MTM1: variants seen among roughly 807,000 people sequenced by gnomAD.
MTM1 encodes myotubularin.
Under a neutral mutation model 52.1 loss-of-function variants are expected in MTM1, and 9 were observed. The observed-to-expected ratio is 0.17, with a 90% CI of 0.10 to 0.30. MTM1 has a LOEUF of 0.30. Among genes scored for constraint, MTM1 ranks in the 10% least tolerant of loss-of-function variants. MTM1 has a pLI of 1.00. For missense variants in MTM1, 277 were observed against 470.7 expected, an observed-to-expected ratio of 0.59 and a Z score of 3.81; for synonymous variants, 136 against 163.8, an observed-to-expected ratio of 0.83 and a Z score of 1.29.
intron 10 of MTM1, among the ~76,000 whole-genome samples, chrX:150,651,894 G>T (rs2040027442): frequency 9.0e-6 from 1 of 110,888 alleles, no homozygotes; most frequent in Admixed American, 9.6e-5. Context: ...GATATTGGAA[G>T]GTAAAGAAAG....
At chrX:150,562,980 C>T in the MTM1 span, among the ~76,000 whole-genome samples, 1 of 111,337 alleles carries the variant, frequency 9.0e-6, no homozygotes, top group Non-Finnish European at 1.9e-5. Flanking sequence ...GGGTAATGCT[C>T]TCTCTGTCTG....
chrX:150,641,283 C>G lies in MTM1; in HGVS notation c.543C>G (p.His181Gln), dbSNP rs1603187692. The G allele has an allele frequency of 1.7e-6, 2 of 1,211,224 alleles. No homozygotes were observed. Among genetic ancestry groups the G allele is most frequent in the Admixed American group, 4.3e-5 (2 of 46,024 alleles). The change falls in exon 8 of 15, where the codon CAC becomes CAG. Residue 181 changes from histidine (H) to glutamine (Q), a missense_variant. Around this residue, in one of 4 missense-constraint regions of MTM1, gnomAD observed 164 missense variants for 283.3 expected, o/e 0.58. Coordinates refer to ENST00000370396, the MANE Select transcript of MTM1 (RefSeq NM_000252.3). ...TTTCCTCACAGGGCTTGCCCAATCA[C>G]CATTGGAGAATAACTTTTATTAATA... Reference protein sequence around the residue: ...EEYRRQGLPNHHWRITFINKC... With the variant: ...EEYRRQGLPNQHWRITFINKC...
chrX:150,665,102 A>G (rs184002742), intron 14 of MTM1, among the ~76,000 whole-genome samples: 236 of 112,082 alleles, frequency 2.1e-3, no homozygotes, highest in Non-Finnish European at 3.8e-3. Context: ...ATTCTCTGGT[A>G]GGGGTTTTTA....
In MTM1 at chrX:150,583,717, A is replaced by G. The variant is rs1429938053; in HGVS notation, c.-10-8888A>G. ...TTATTTATAAATATATAAATTATAT[A>G]TATTATATAAATTATATATTATATA... On this transcript the variant is annotated intron_variant, in intron 1 of 14. Coordinates refer to ENST00000370396, the MANE Select transcript of MTM1 (RefSeq NM_000252.3). Among the ~76,000 whole-genome samples the G allele has an allele frequency of 4.4e-5, 2 of 45,384 alleles. 1 individual carries two copies. The highest frequency in any genetic ancestry group is 7.1e-5 in the Non-Finnish European group (2 of 28,295). The allele number at this position is 45,384 out of a possible 115,157, so 39.4% of individuals were successfully genotyped here.
rs781868563 is a variant in MTM1 at position 150,657,818 on chromosome X, C to T, written c.1054-3C>T. On this transcript the variant is annotated splice_region_variant and splice_polypyrimidine_tract_variant and intron_variant, in intron 10 of 14. Coordinates refer to ENST00000370396, the MANE Select transcript of MTM1 (RefSeq NM_000252.3). ...TACTGACTCACGTATTTTTCTTTGT[C>T]AGCTCGTTTTGACAGGAGCCATTCA... 8.3e-7 allele frequency: 1 copy of T among 1,210,097 alleles called. No individual in the cohort carries two copies. The highest frequency in any genetic ancestry group is 3.0e-5 in the East Asian group (1 of 33,813).
At chrX:150,647,949 A>AT (rs1373794217) in intron 9 of MTM1, among the ~76,000 whole-genome samples, 1 of 111,735 alleles carries the variant, frequency 8.9e-6, no homozygotes, top group Non-Finnish European at 1.9e-5. Flanking sequence ...TTTTCCTTTT[A>AT]TTTTTTCACT....
In MTM1 at chrX:150,583,388, AAT is replaced by A. The variant is rs1439138156; in HGVS notation, c.-10-9209_-10-9208del. ...AAATTATATATATTATATATAATATAATATATATAAATTATATATATTATATT... is the reference window on the plus strand; with the variant it reads ...AAATTATATATATTATATATAATATAATATATAAATTATATATATTATATT... On this transcript the variant is annotated intron_variant, in intron 1 of 14. Transcript: ENST00000370396. Among the ~76,000 whole-genome samples, 5 of 11,323 alleles carry A rather than the reference AAT, an allele frequency of 4.4e-4. 1 individual carries two copies. The highest frequency in any genetic ancestry group is 1.9e-3 in the African/African-American group (1 of 517). 9.8% of individuals were successfully genotyped at this position (11,323 alleles called of 115,157 possible). A position where few individuals can be genotyped will look rare whatever the true frequency, so the allele number is the denominator to read the frequency against.
At chrX:150,581,630 A>AT (rs1271207329) in intron 1 of MTM1, among the ~76,000 whole-genome samples, 6 of 110,767 alleles carry the variant, frequency 5.4e-5, no homozygotes, top group African/African-American at 6.6e-5. Context: ...TTCCGAAAAG[A>AT]TTTTTTTTAT....
At chrX:150,584,420 A>G (rs192287251) in intron 1 of MTM1, among the ~76,000 whole-genome samples, 8 of 111,345 alleles carry the variant, frequency 7.2e-5, no homozygotes, top group African/African-American at 2.6e-4. Context: ...AATTTTAAAG[A>G]TATGCAAGGG....
At chrX:150,627,218 T>C (rs1557413441) in intron 6 of MTM1, among the ~76,000 whole-genome samples, 1 of 112,235 alleles carries the variant, frequency 8.9e-6, no homozygotes, top group African/African-American at 3.2e-5. Flanking sequence ...AACTTGGTAG[T>C]CTGTTAGACC....
chrX:150,609,064 T>A (rs1455814530), intron 4 of MTM1, among the ~76,000 whole-genome samples: 1 of 110,399 alleles, frequency 9.1e-6, no homozygotes, highest in Non-Finnish European at 1.9e-5. Context: ...TGACCTCAGG[T>A]GATCCACCAA....
chrX:150,578,586 T>C (rs1486655153), intron 1 of MTM1, among the ~76,000 whole-genome samples: 1 of 112,321 alleles, frequency 8.9e-6, no homozygotes. Flanking sequence ...TAAAGATTCA[T>C]TTATTTTTCC....
chrX:150,613,416 T>C (rs782147025), intron 4 of MTM1, among the ~76,000 whole-genome samples: 1 of 111,383 alleles, frequency 9.0e-6, no homozygotes, highest in Admixed American at 9.6e-5. Flanking sequence ...TTTTAAAAAC[T>C]GTATACTTGT....
intron 6 of MTM1, among the ~76,000 whole-genome samples, chrX:150,620,882 C>T (rs191856006): frequency 4.5e-5 from 5 of 110,456 alleles, no homozygotes; most frequent in Admixed American, 2.9e-4. Flanking sequence ...TTTGGGAGGC[C>T]GAGGAGGATG....
At chrX:150,639,833 A>G (rs2039818230) in intron 7 of MTM1, among the ~76,000 whole-genome samples, 1 of 112,426 alleles carries the variant, frequency 8.9e-6, no homozygotes, top group Non-Finnish European at 1.9e-5. Context: ...GCTTTATATG[A>G]AAAGGTAGTG....
At chrX:150,607,915 C>A (rs1201837352) in intron 4 of MTM1, among the ~76,000 whole-genome samples, 1 of 111,538 alleles carries the variant, frequency 9.0e-6, no homozygotes, top group Non-Finnish European at 1.9e-5. Flanking sequence ...ATCAGTGTTG[C>A]GTGGGAGTAG....
At chrX:150,568,961 C>G in intron 1 of MTM1, among the ~76,000 whole-genome samples, 1 of 113,449 alleles carries the variant, frequency 8.8e-6, no homozygotes, top group East Asian at 2.8e-4. Context: ...GGCCGTGGAG[C>G]TGGGGGCGGA....
intron 1 of MTM1, among the ~76,000 whole-genome samples, chrX:150,585,062 G>GGAGAGA (rs368036277): frequency 9.9e-6 from 1 of 101,106 alleles, no homozygotes; most frequent in East Asian, 3.0e-4. Context: ...ACAGAGAAGT[G>GGAGAGA]GAGAGAGAGA....
chrX:150,617,373 G>A (rs1333511900), intron 5 of MTM1, among the ~76,000 whole-genome samples: 1 of 111,935 alleles, frequency 8.9e-6, no homozygotes. Context: ...GTGGCTGGTC[G>A]TAAACCCTTG....
Sources: gnomAD v4.1 joint callset for allele counts (sites outside exome capture counted in the v4.1 genomes callset) on GRCh38, gnomAD v4.1.1 for gene constraint, gnomAD v4.1.1 regional missense constraint, MANE v1.5 for transcripts, NCBI Gene and HGNC (gene_info 2026-07-23, HGNC 2026-07-21) for gene names.